Variants in TENM3 observed in about 807,000 individuals in gnomAD.
The protein encoded by TENM3 is teneurin transmembrane protein 3.
In TENM3, 63 loss-of-function variants were observed where a neutral mutation model predicts 255.1. That is an observed-to-expected ratio of 0.25 (90% confidence interval 0.20 to 0.30). TENM3 has a LOEUF of 0.30. TENM3 is among the 10% of genes least tolerant of loss of function. TENM3 has a pLI of 1.00. For missense variants in TENM3, 2,929 were observed against 3,461.1 expected (o/e 0.85, Z 3.86); for synonymous variants, 1,306 against 1,322.3 (o/e 0.99, Z 0.27).
At chr4:181,561,699 T>C in the TENM3 span, among the ~76,000 whole-genome samples, 17 of 152,352 alleles carry the variant, frequency 1.1e-4, no homozygotes, top group African/African-American at 4.1e-4. Context: ...AACTAATTTA[T>C]GAAACTTAAT....
the TENM3 span, among the ~76,000 whole-genome samples, chr4:182,115,964 A>G: frequency 1.4e-5 from 2 of 145,182 alleles, no homozygotes; most frequent in Admixed American, 1.4e-4. Context: ...GTTCCCATAT[A>G]TCCTGTCCCC....
the TENM3 span, among the ~76,000 whole-genome samples, chr4:181,599,306 T>G: frequency 6.6e-6 from 1 of 152,184 alleles, no homozygotes; most frequent in South Asian, 2.1e-4. Context: ...AGAGAGACGA[T>G]TTCAGTGAAT....
the TENM3 span, among the ~76,000 whole-genome samples, chr4:181,919,153 G>A: frequency 6.6e-6 from 1 of 152,100 alleles, no homozygotes; most frequent in Non-Finnish European, 1.5e-5. Flanking sequence ...ACCAGGCAGG[G>A]GAGTGTTTCC....
chr4:182,250,370 A>G (rs558606237), intron 1 of TENM3, among the ~76,000 whole-genome samples: 8 of 151,932 alleles, frequency 5.3e-5, no homozygotes, highest in African/African-American at 1.9e-4. Flanking sequence ...TTATTTTTCA[A>G]CTGTTACATC....
At chr4:182,638,911 G>A (rs1165460323) in intron 5 of TENM3, among the ~76,000 whole-genome samples, 1 of 152,182 alleles carries the variant, frequency 6.6e-6, no homozygotes, top group Non-Finnish European at 1.5e-5. Flanking sequence ...AAAGACAGAA[G>A]GATATCCAAA....
chr4:182,715,529 T>C (rs748080905), intron 13 of TENM3, among the ~76,000 whole-genome samples: 10 of 152,230 alleles, frequency 6.6e-5, no homozygotes, highest in Non-Finnish European at 1.3e-4. Flanking sequence ...GTGTAGCATA[T>C]TGCCAGGCAC....
chr4:181,968,718 C>T, the TENM3 span, among the ~76,000 whole-genome samples: 2 of 152,148 alleles, frequency 1.3e-5, no homozygotes, highest in Non-Finnish European at 2.9e-5. Flanking sequence ...CTCAGTTATA[C>T]AAGATGATTA....
At chr4:182,514,305 G>A (rs1383171537) in intron 3 of TENM3, among the ~76,000 whole-genome samples, 1 of 152,234 alleles carries the variant, frequency 6.6e-6, no homozygotes, top group Non-Finnish European at 1.5e-5. Context: ...GATATGAAGA[G>A]TAGGGAAATG....
chr4:181,896,394 C>T, the TENM3 span, among the ~76,000 whole-genome samples: 1 of 152,080 alleles, frequency 6.6e-6, no homozygotes, highest in Admixed American at 6.5e-5. Flanking sequence ...CTTTGTGATT[C>T]TGAGATACCA....
At chr4:181,813,546 A>G in the TENM3 span, among the ~76,000 whole-genome samples, 1,327 of 152,336 alleles carry the variant, frequency 8.7e-3, 33 homozygotes, top group Non-Finnish European at 8.5e-3. Context: ...GATCCAGCAT[A>G]CACAAATGAA....
the TENM3 span, among the ~76,000 whole-genome samples, chr4:181,773,061 C>G: frequency 6.6e-6 from 1 of 152,168 alleles, no homozygotes; most frequent in Non-Finnish European, 1.5e-5. Context: ...TTGTTTGGCT[C>G]TCATCTGACA....
chr4:182,737,084 C>T lies in TENM3; in HGVS notation c.3235+9C>T. ...TCTATCTGAAGCTGTTGGTAAGTTC[C>T]ATATAAATCTTTGCTGCAGTGAAGT... On this transcript the variant is annotated intron_variant, in intron 17 of 27. Transcript: ENST00000511685. 1.2e-6 allele frequency: 2 copies of T among 1,604,010 alleles called. No individual in the cohort carries two copies. The highest frequency in any genetic ancestry group is 1.1e-5 in the South Asian group (1 of 89,292).
the TENM3 span, among the ~76,000 whole-genome samples, chr4:182,109,938 A>G: frequency 1.3e-5 from 2 of 152,102 alleles, no homozygotes; most frequent in Non-Finnish European, 2.9e-5. Flanking sequence ...GGAGTTTACA[A>G]TGGAGTTTAT....
chr4:181,669,593 G>A, the TENM3 span, among the ~76,000 whole-genome samples: 4 of 152,050 alleles, frequency 2.6e-5, no homozygotes, highest in Admixed American at 1.3e-4. Context: ...ATTTCCCAGT[G>A]TTACCCCATT....
intron 3 of TENM3, among the ~76,000 whole-genome samples, chr4:182,511,357 A>G (rs1469736756): frequency 6.6e-6 from 1 of 152,194 alleles, no homozygotes; most frequent in Non-Finnish European, 1.5e-5. Flanking sequence ...ATGTAATTAG[A>G]TGTCAGTGTA....
At chr4:182,112,100 A>C in the TENM3 span, among the ~76,000 whole-genome samples, 1 of 152,176 alleles carries the variant, frequency 6.6e-6, no homozygotes, top group Non-Finnish European at 1.5e-5. Flanking sequence ...GGCCGCAGTG[A>C]GCTATGATTG....
chr4:181,707,853 T>C, the TENM3 span, among the ~76,000 whole-genome samples: 1 of 152,206 alleles, frequency 6.6e-6, no homozygotes, highest in Non-Finnish European at 1.5e-5. Flanking sequence ...GCATATCTCA[T>C]GGATTTTAAT....
the TENM3 span, among the ~76,000 whole-genome samples, chr4:181,716,893 C>G: frequency 1.3e-5 from 2 of 152,254 alleles, no homozygotes; most frequent in African/African-American, 4.8e-5. Context: ...GGGTCCGCTC[C>G]CCCAATACCT....
intron 3 of TENM3, among the ~76,000 whole-genome samples, chr4:182,580,945 ATTTAAG>A (rs1405294308): frequency 6.6e-6 from 1 of 152,254 alleles, no homozygotes; most frequent in Non-Finnish European, 1.5e-5. Context: ...TCAAATAATC[ATTTAAG>A]TACAACTGTC....
Sources: gnomAD v4.1 joint callset for allele counts (sites outside exome capture counted in the v4.1 genomes callset) on GRCh38, gnomAD v4.1.1 for gene constraint, MANE v1.5 for transcripts, NCBI Gene and HGNC (gene_info 2026-07-23, HGNC 2026-07-21) for gene names.